Variants in TUBG1 observed in about 807,000 individuals in gnomAD.
The protein encoded by TUBG1 is tubulin gamma-1 chain.
TUBG1 carries 22 observed loss-of-function variants against 53.3 expected under a neutral mutation model. The observed-to-expected ratio is 0.41, with a 90% CI of 0.29 to 0.59. The LOEUF is 0.59. Among genes scored for constraint, TUBG1 ranks in the 20% least tolerant of loss-of-function variants. TUBG1 has a pLI of 0.26. For synonymous variants in TUBG1, 198 were observed against 236.7 expected (o/e 0.84, Z 1.50); for missense variants, 217 against 598.9 (o/e 0.36, Z 6.66).
chr17:42,609,855 T>G (rs1384629540), intron 1 of TUBG1, 69 bp downstream of exon 1: 1 of 1,510,208 alleles, frequency 6.6e-7, no homozygotes. Context: ...TGTGGGATCC[T>G]GGACTCCATC....
intron 6 of TUBG1, 52 bp from the exon 7 acceptor site, chr17:42,613,595 G>A: frequency 1.9e-6 from 3 of 1,613,532 alleles, no homozygotes; most frequent in African/African-American, 1.3e-5. Flanking sequence ...GTCAGGCAGA[G>A]CTCCTGTTTT....
chr17:42,613,132 T>G, intron 6 of TUBG1, 59 bp downstream of exon 6: 1 of 1,578,154 alleles, frequency 6.3e-7, no homozygotes, highest in Non-Finnish European at 8.6e-7. Flanking sequence ...TCGAGTCTAT[T>G]AAATCATTTT....
At chr17:42,612,864 C>A in intron 5 of TUBG1, 83 bp from the exon 6 acceptor site, 1 of 1,561,210 alleles carries the variant, frequency 6.4e-7, no homozygotes. Flanking sequence ...CAAGATTTAT[C>A]TGCTTCTGGA....
At chr17:42,610,858 G>T in intron 3 of TUBG1, 1 of 397,052 alleles carries the variant, frequency 2.5e-6, no homozygotes. Flanking sequence ...TCCCTTATCT[G>T]CCTTTCCAGG....
chr17:42,610,699 A>G, intron 3 of TUBG1, 109 bp downstream of exon 3: 1 of 1,516,044 alleles, frequency 6.6e-7, no homozygotes, highest in Non-Finnish European at 9.0e-7. Context: ...TGCTGGAGGG[A>G]GAGACCTGGC....
chr17:42,612,259 C>A, intron 4 of TUBG1, 116 bp downstream of exon 4: 1 of 1,316,414 alleles, frequency 7.6e-7, no homozygotes, highest in Non-Finnish European at 1.1e-6. Flanking sequence ...TGGACAGAAG[C>A]TATCAGGCCT....
At chr17:42,613,451 TTAAA>T (rs994561523) in intron 6 of TUBG1, among the ~76,000 whole-genome samples, 192 bp from the exon 7 acceptor site, 4 of 151,972 alleles carry the variant, frequency 2.6e-5, no homozygotes, top group African/African-American at 7.2e-5. Flanking sequence ...AAAAAACTGT[TTAAA>T]TAATTAAGAT....
At position 42,615,117 on chromosome 17, in the gene TUBG1, A is replaced by C. The variant is rs375902188; in HGVS notation, c.*76A>C. On this transcript the variant is annotated 3_prime_UTR_variant, in exon 11 of 11. Coordinates refer to ENST00000251413, the MANE Select transcript of TUBG1 (RefSeq NM_001070.5). ...GCCTGACTGACCACCCCCTCAGAGC[A>C]CAGATCAGGGACCTCACGCATCTCT... 2 of 1,476,794 alleles carry C rather than the reference A, an allele frequency of 1.4e-6. No homozygotes were observed. Among genetic ancestry groups the C allele is most frequent in the East Asian group, 4.5e-5 (2 of 43,974 alleles). 91.5% of individuals were successfully genotyped at this position (1,476,794 alleles called of 1,614,324 possible). A position where few individuals can be genotyped will look rare whatever the true frequency, so the allele number is the denominator to read the frequency against.
At chr17:42,611,451 G>T (rs1052418736) in intron 3 of TUBG1, among the ~76,000 whole-genome samples, 1 of 151,976 alleles carries the variant, frequency 6.6e-6, no homozygotes, top group African/African-American at 2.4e-5. Flanking sequence ...AACATAACTG[G>T]CCCCAACACT....
chr17:42,610,365 G>A (rs2052022314), intron 2 of TUBG1, 58 bp from the exon 3 acceptor site: 22 of 1,504,322 alleles, frequency 1.5e-5, no homozygotes, highest in Non-Finnish European at 1.9e-5. Flanking sequence ...GAGTTGGGAG[G>A]ACTTCGGACT....
At chr17:42,610,784 T>C in intron 3 of TUBG1, 194 bp downstream of exon 3, 1 of 713,434 alleles carries the variant, frequency 1.4e-6, no homozygotes, top group Non-Finnish European at 2.2e-6. Flanking sequence ...TTCTAAGTGC[T>C]TTACATATAT....
At chr17:42,611,909 TC>T (rs2052036817) in intron 3 of TUBG1, among the ~76,000 whole-genome samples, 165 bp from the exon 4 acceptor site, 1 of 152,174 alleles carries the variant, frequency 6.6e-6, no homozygotes, top group Admixed American at 6.6e-5. Flanking sequence ...TAGAGTGCTT[TC>T]TTGTAACCAC....
In TUBG1 at chr17:42,614,677, C is replaced by A. The variant is rs2052063022; in HGVS notation, c.1158+20C>A. The A allele has an allele frequency of 6.2e-7, 1 of 1,613,114 alleles. No individual in the cohort carries two copies. Among genetic ancestry groups the A allele is most frequent in the African/African-American group, 1.3e-5 (1 of 74,918 alleles). ...TCCTCGGTGAGTCTCAAAGTTTGCA[C>A]CTTTTTTCCCTGAATCAGTTTCCTG... is the stretch of plus-strand genomic sequence containing the variant. On this transcript the variant is annotated intron_variant, in intron 10 of 10. Coordinates refer to ENST00000251413, the MANE Select transcript of TUBG1 (RefSeq NM_001070.5). This position sits in a 1 kb window ranked among gnomAD's most constrained non-coding sequence, Gnocchi z 5.1.
Position 42,615,158 on chromosome 17 carries a change from A to C in TUBG1, c.*117A>C. On this transcript the variant is annotated 3_prime_UTR_variant, in exon 11 of 11. Transcript: ENST00000251413. ...ACGCATCTCTTTCTCATATACATGG[A>C]CTCTCTGTTGGCCTGCAAACACATT... The C allele has an allele frequency of 1.1e-6, 1 of 940,668 alleles. No homozygotes were observed. Among genetic ancestry groups the C allele is most frequent in the Non-Finnish European group, 1.6e-6 (1 of 619,840 alleles). The allele number at this position is 940,668 out of a possible 1,614,324, so 58.3% of individuals were successfully genotyped here. A position where few individuals can be genotyped will look rare whatever the true frequency, so the allele number is the denominator to read the frequency against.
chr17:42,612,418 C>T lies in TUBG1; in HGVS notation c.400-9C>T. The T allele has an allele frequency of 1.2e-6, 2 of 1,613,810 alleles. No homozygotes were observed. The highest frequency in any genetic ancestry group is 1.7e-5 in the Admixed American group (1 of 59,966). On this transcript the variant is annotated splice_polypyrimidine_tract_variant and intron_variant, in intron 4 of 10. Coordinates refer to ENST00000251413, the MANE Select transcript of TUBG1 (RefSeq NM_001070.5). ...ATACCTGTACACTGACTGCCCCTTC[C>T]CCATGCAGGGCTTTGTGCTGTGTCA...
At chr17:42,610,766 C>A in intron 3 of TUBG1, 176 bp downstream of exon 3, 1 of 858,110 alleles carries the variant, frequency 1.2e-6, no homozygotes, top group Non-Finnish European at 1.8e-6. Flanking sequence ...ATGCAGTGTG[C>A]CAGGTCATTC....
In TUBG1 at chr17:42,609,732, G is replaced by C. The variant is rs373010972; in HGVS notation, c.-6G>C. 6.5e-7 allele frequency: 1 copy of C among 1,549,790 alleles called. No individual in the cohort carries two copies. The highest frequency in any genetic ancestry group is 2.4e-5 in the East Asian group (1 of 40,900). On this transcript the variant is annotated 5_prime_UTR_variant, in exon 1 of 11. Coordinates refer to ENST00000251413, the MANE Select transcript of TUBG1 (RefSeq NM_001070.5). ...GAGCGGCTGCAACGCCGGTGCCTGAGGAGCGATGCCGAGGGAAATCATCAC... is the reference window on the plus strand; with the variant it reads ...GAGCGGCTGCAACGCCGGTGCCTGACGAGCGATGCCGAGGGAAATCATCAC...
rs772024408 is a variant in TUBG1 at position 42,614,707 on chromosome 17, T to C, written c.1158+50T>C. 1 of 1,610,132 alleles carries C rather than the reference T, an allele frequency of 6.2e-7. No homozygotes were observed. The highest frequency in any genetic ancestry group is 2.2e-5 in the East Asian group (1 of 44,830). On this transcript the variant is annotated intron_variant, in intron 10 of 10. Transcript: ENST00000251413. This position sits in a 1 kb window ranked among gnomAD's most constrained non-coding sequence, Gnocchi z 5.1. ...TTTCCCTGAATCAGTTTCCTGACTATACCTCACCTCTCTGCATCTGCTGGC... is the reference window on the plus strand; with the variant it reads ...TTTCCCTGAATCAGTTTCCTGACTACACCTCACCTCTCTGCATCTGCTGGC...
chr17:42,612,453 TG>T lies in TUBG1; in HGVS notation c.432del (p.Thr145GlnfsTer10), dbSNP rs768480532. The T allele has an allele frequency of 6.2e-7, 1 of 1,613,926 alleles. No homozygotes were observed. The highest frequency in any genetic ancestry group is 2.2e-5 in the East Asian group (1 of 44,886). On this transcript the variant is annotated frameshift_variant, in exon 5 of 11. Transcript: ENST00000251413. LOFTEE classifies it high-confidence loss of function. ...EGFVLCHSIAGGTGSGLGSYL... is the reference protein window; with the variant it reads ...EGFVLCHSIAXGTGSGLGSYL... ...GCTTTGTGCTGTGTCACTCCATTGC[TG>T]GGGGGACAGGCTCTGGACTGGGTTC... is the stretch of plus-strand genomic sequence containing the variant.
Sources: allele counts gnomAD v4.1 joint callset (sites outside exome capture counted in the v4.1 genomes callset), GRCh38; gene constraint gnomAD v4.1.1; non-coding constraint Gnocchi (gnomAD v3.1); transcripts MANE v1.5; gene names NCBI Gene and HGNC (gene_info 2026-07-23, HGNC 2026-07-21).